The following IL1RAPL1 variants were observed in gnomAD, a reference collection of about 807,000 sequenced individuals.
IL1RAPL1 encodes interleukin 1 receptor accessory protein like 1.
In IL1RAPL1, 3 loss-of-function variants were observed where a neutral mutation model predicts 48.4. The ratio of observed to expected loss-of-function variants is 0.06; its 90% CI spans 0.03 to 0.16. IL1RAPL1 has a LOEUF of 0.16. IL1RAPL1 is among the 10% of genes least tolerant of loss of function. The pLI, the probability that IL1RAPL1 is intolerant of heterozygous loss-of-function variation, is 1.00. For synonymous variants in IL1RAPL1, 185 were observed against 187.7 expected, an observed-to-expected ratio of 0.99 and a Z score of 0.12; for missense variants, 349 against 530.6, an observed-to-expected ratio of 0.66 and a Z score of 3.36.
rs61003668 is a variant in IL1RAPL1, at chrX:29,527,326, CTTTTTTTTTTTTTTTTT to C, written c.703+128032_703+128048del. 4.4e-3 allele frequency among the ~76,000 whole-genome samples: 113 copies of C among 25,571 alleles called. 4 individuals are homozygous for C. The highest frequency in any genetic ancestry group is 0.017 in the African/African-American group (102 of 6,084). 22.2% of individuals were successfully genotyped at this position (25,571 alleles called of 115,157 possible). ...TAGGACTTGCATGTAGGGAAGGACT[CTTTTTTTTTTTTTTTTT>C]TTTTTTTTTTTTTGAGACGGAGTCT... On this transcript the variant is annotated intron_variant, in intron 5 of 10. Coordinates refer to ENST00000378993, the MANE Select transcript of IL1RAPL1 (RefSeq NM_014271.4).
At chrX:28,898,080 G>A (rs933380226) in intron 2 of IL1RAPL1, among the ~76,000 whole-genome samples, 2 of 111,676 alleles carry the variant, frequency 1.8e-5, no homozygotes, top group African/African-American at 6.5e-5. Flanking sequence ...CACTTCTTTT[G>A]TGATTCTTCA....
chrX:28,964,102 A>G (rs1924858752), intron 2 of IL1RAPL1, among the ~76,000 whole-genome samples: 1 of 111,436 alleles, frequency 9.0e-6, no homozygotes, highest in African/African-American at 3.3e-5. Context: ...AAATATTTTA[A>G]TACTTCTTTT....
intron 2 of IL1RAPL1, among the ~76,000 whole-genome samples, chrX:29,197,901 G>A (rs6653811): frequency 6.3e-4 from 69 of 110,101 alleles, no homozygotes; most frequent in African/African-American, 2.0e-3. Context: ...TAGAGACAGG[G>A]TTTCTCTGTG....
intron 1 of IL1RAPL1, chrX:28,659,392 A>G: frequency 1.8e-6 from 1 of 544,573 alleles, no homozygotes; most frequent in East Asian, 3.4e-5. Flanking sequence ...CACTCTTGCA[A>G]GCGGCTTTTG....
At chrX:29,861,311 G>T (rs1246090767) in intron 6 of IL1RAPL1, among the ~76,000 whole-genome samples, 1 of 111,147 alleles carries the variant, frequency 9.0e-6, no homozygotes, top group Non-Finnish European at 1.9e-5. Flanking sequence ...CCCTATTCCT[G>T]AGCTCTACCC....
intron 2 of IL1RAPL1, among the ~76,000 whole-genome samples, chrX:28,861,152 A>G (rs1022511484): frequency 1.8e-5 from 2 of 111,857 alleles, no homozygotes; most frequent in Non-Finnish European, 3.8e-5. Flanking sequence ...CCTTAAGAAA[A>G]CAAGACAGCC....
intron 1 of IL1RAPL1, among the ~76,000 whole-genome samples, chrX:28,768,824 G>A (rs78386677): frequency 3.2e-4 from 23 of 71,198 alleles, no homozygotes; most frequent in African/African-American, 8.8e-4. Context: ...ATGTGTGTGT[G>A]TATATATATA....
intron 5 of IL1RAPL1, among the ~76,000 whole-genome samples, chrX:29,485,145 C>T (rs1442671923): frequency 1.8e-5 from 2 of 112,102 alleles, no homozygotes; most frequent in African/African-American, 6.5e-5. Context: ...CTACCTAATA[C>T]TAGGTGTACT....
At chrX:29,718,631 T>C (rs1192494891) in intron 6 of IL1RAPL1, among the ~76,000 whole-genome samples, 2 of 103,397 alleles carry the variant, frequency 1.9e-5, no homozygotes, top group Non-Finnish European at 3.9e-5. Flanking sequence ...AAGAATGTGC[T>C]CTCAGCTGGA....
chrX:29,739,204 T>A (rs1333288956), intron 6 of IL1RAPL1, among the ~76,000 whole-genome samples: 2 of 112,678 alleles, frequency 1.8e-5, no homozygotes, highest in African/African-American at 3.2e-5. Context: ...TCTTCTGTAT[T>A]ATGCTGTCTC....
chrX:29,010,686 GTATT>G (rs1926103312), intron 2 of IL1RAPL1, among the ~76,000 whole-genome samples: 1 of 111,836 alleles, frequency 8.9e-6, no homozygotes, highest in African/African-American at 3.2e-5. Flanking sequence ...TAATTTGCAA[GTATT>G]TAGTAATGTG....
intron 2 of IL1RAPL1, among the ~76,000 whole-genome samples, chrX:28,844,819 A>T (rs1013937812): frequency 1.9e-4 from 21 of 111,548 alleles, no homozygotes; most frequent in African/African-American, 6.2e-4. Flanking sequence ...ATGTTACTTG[A>T]TTGAGATATG....
intron 6 of IL1RAPL1, among the ~76,000 whole-genome samples, chrX:29,814,966 C>A (rs970516551): frequency 4.5e-5 from 5 of 111,399 alleles, no homozygotes; most frequent in African/African-American, 1.6e-4. Flanking sequence ...CAGTACTGTG[C>A]CATTTTTGTT....
intron 5 of IL1RAPL1, among the ~76,000 whole-genome samples, chrX:29,409,504 C>T (rs1434595827): frequency 9.0e-6 from 1 of 111,726 alleles, no homozygotes; most frequent in Admixed American, 9.6e-5. Flanking sequence ...AAACCACTGA[C>T]ACTCATTACC....
intron 6 of IL1RAPL1, among the ~76,000 whole-genome samples, chrX:29,727,160 A>G (rs764104770): frequency 8.9e-6 from 1 of 111,993 alleles, no homozygotes; most frequent in Non-Finnish European, 1.9e-5. Flanking sequence ...TTCCAGAAAT[A>G]CAAAAAAAAG....
At chrX:29,560,869 T>C (rs944993487) in intron 5 of IL1RAPL1, among the ~76,000 whole-genome samples, 1 of 112,330 alleles carries the variant, frequency 8.9e-6, no homozygotes, top group Admixed American at 9.5e-5. Flanking sequence ...ATTTATTTGG[T>C]GTCAGTTACT....
chrX:29,926,388 T>C (rs1932891675), intron 8 of IL1RAPL1, among the ~76,000 whole-genome samples: 1 of 112,148 alleles, frequency 8.9e-6, no homozygotes, highest in African/African-American at 3.2e-5. Flanking sequence ...TAATCATGCC[T>C]GTTGATCATT....
At chrX:28,852,021 C>T (rs1921674336) in intron 2 of IL1RAPL1, among the ~76,000 whole-genome samples, 1 of 111,914 alleles carries the variant, frequency 8.9e-6, no homozygotes, top group South Asian at 3.7e-4. Flanking sequence ...GCAACACCTG[C>T]TTAAAATGCC....
chrX:29,268,988 T>A (rs1485894086), intron 2 of IL1RAPL1, among the ~76,000 whole-genome samples: 1 of 111,827 alleles, frequency 8.9e-6, no homozygotes, highest in Non-Finnish European at 1.9e-5. Context: ...TTTTGAAGGA[T>A]GCATCAAGAA....
Sources: allele counts gnomAD v4.1 joint callset (sites outside exome capture counted in the v4.1 genomes callset), GRCh38; gene constraint gnomAD v4.1.1; transcripts MANE v1.5; gene names NCBI Gene and HGNC (gene_info 2026-07-23, HGNC 2026-07-21).